Variants in STAG3 observed in about 807,000 individuals in gnomAD.
STAG3 encodes cohesin subunit SA-3.
In STAG3, 101 loss-of-function variants were observed where a neutral mutation model predicts 160.7. The ratio of observed to expected loss-of-function variants is 0.63; its 90% CI spans 0.54 to 0.74. The LOEUF (loss-of-function observed/expected upper bound fraction) is 0.74. Ranked by LOEUF, STAG3 falls within the 30% of genes least tolerant of loss-of-function variation. The pLI, the probability that STAG3 is intolerant of heterozygous loss-of-function variation, is 0.00. For missense variants in STAG3, 1,188 were observed against 1,517.4 expected, an observed-to-expected ratio of 0.78 and a Z score of 3.61; for synonymous variants, 519 against 585.0, an observed-to-expected ratio of 0.89 and a Z score of 1.63.
intron 25 of STAG3, among the ~76,000 whole-genome samples, chr7:100,203,469 C>T (rs1318172145): frequency 1.3e-5 from 2 of 151,112 alleles, no homozygotes; most frequent in African/African-American, 2.4e-5. Flanking sequence ...GCGTGAGCCA[C>T]CATGCCTGGC....
chr7:100,187,392 CTT>C (rs35125400), intron 5 of STAG3, among the ~76,000 whole-genome samples: 45,429 of 145,774 alleles, frequency 0.31, 7,519 homozygotes, highest in East Asian at 0.62. Context: ...TGCTTGATTC[CTT>C]TTTTTTTTTT....
intron 26 of STAG3, among the ~76,000 whole-genome samples, 153 bp from the exon 27 acceptor site, chr7:100,204,474 G>T (rs553022197): frequency 6.6e-6 from 1 of 152,278 alleles, no homozygotes; most frequent in South Asian, 2.1e-4. Flanking sequence ...TGCTGCAGGG[G>T]TATCGGGAGT....
Position 100,214,036 on chromosome 7 carries a change from CAGCTCCACTCCCT to C in STAG3, c.*23_*35del, listed in dbSNP as rs1457105883. On this transcript the variant is annotated 3_prime_UTR_variant, in exon 34 of 34. Coordinates refer to ENST00000615138, the MANE Select transcript of STAG3 (RefSeq NM_001282717.2). ...TCTGACAGGACTCTGGGCCCCTCCC[CAGCTCCACTCCCT>C]ACCTCAAGAATGTGACCATTTGGAA... The C allele has an allele frequency of 6.2e-7, 1 of 1,613,678 alleles. No homozygotes were observed. Among genetic ancestry groups the C allele is most frequent in the Non-Finnish European group, 8.5e-7 (1 of 1,179,766 alleles).
Position 100,201,248 on chromosome 7 carries a change from C to T in STAG3, c.2133-16C>T. On this transcript the variant is annotated splice_polypyrimidine_tract_variant and intron_variant, in intron 20 of 33. Coordinates refer to ENST00000615138, the MANE Select transcript of STAG3 (RefSeq NM_001282717.2). Reference sequence around the variant, plus strand: ...CTGTTCTTTTCCAGTATAACATTCCCCTTTCTCCCCCAAAGCACTCATGAC... The same window carrying T: ...CTGTTCTTTTCCAGTATAACATTCCTCTTTCTCCCCCAAAGCACTCATGAC... 6.2e-7 allele frequency: 1 copy of T among 1,614,064 alleles called. No homozygotes were observed. The highest frequency in any genetic ancestry group is 8.5e-7 in the Non-Finnish European group (1 of 1,179,968).
chr7:100,200,698 T>C (rs968802920), intron 18 of STAG3, 71 bp from the exon 19 acceptor site: 23 of 1,577,660 alleles, frequency 1.5e-5, no homozygotes, highest in Non-Finnish European at 1.8e-5. Flanking sequence ...TTTAACCCCG[T>C]TCCACTTCCC....
intron 3 of STAG3, 30 bp from the exon 4 acceptor site, chr7:100,182,693 T>TC: frequency 4.4e-6 from 7 of 1,607,526 alleles, no homozygotes; most frequent in Non-Finnish European, 5.9e-6. Context: ...TGTTTTTTTT[T>TC]CATATTTCTG....
chr7:100,198,085 A>G lies in STAG3; in HGVS notation c.1165-2A>G. On this transcript the variant is annotated splice_acceptor_variant, in intron 11 of 33. Transcript: ENST00000615138. LOFTEE classifies it high-confidence loss of function. ...TATTGAGTGACTTTCTCCTTTCTGC[A>G]GGACCGGATGGTTTCCATGGTCATG... 1 of 1,613,974 alleles carries G rather than the reference A, an allele frequency of 6.2e-7. No individual in the cohort carries two copies. The highest frequency in any genetic ancestry group is 8.5e-7 in the Non-Finnish European group (1 of 1,179,824).
downstream of STAG3, among the ~76,000 whole-genome samples, chr7:100,216,181 A>G (rs989833877): frequency 6.6e-6 from 1 of 152,194 alleles, no homozygotes; most frequent in Non-Finnish European, 1.5e-5. Flanking sequence ...CGTGGAGCCC[A>G]TGAGCATAGT....
intron 33 of STAG3, 98 bp from the exon 34 acceptor site, chr7:100,213,909 G>C (rs958329509): frequency 1.2e-6 from 2 of 1,613,076 alleles, no homozygotes; most frequent in Non-Finnish European, 8.5e-7. Context: ...TGGCCCTCTG[G>C]GCTGTCTCTG....
chr7:100,215,647 T>C (rs1435515955), downstream of STAG3, among the ~76,000 whole-genome samples: 1 of 152,088 alleles, frequency 6.6e-6, no homozygotes, highest in African/African-American at 2.4e-5. Context: ...TAAGAGCAGC[T>C]TGGGGGCTTT....
At chr7:100,194,984 T>TA (rs1305119929) in intron 8 of STAG3, among the ~76,000 whole-genome samples, 1 of 152,144 alleles carries the variant, frequency 6.6e-6, no homozygotes, top group Non-Finnish European at 1.5e-5. Flanking sequence ...TTAGTTTGTT[T>TA]AAAAAAAATC....
At chr7:100,192,764 T>G (rs1322536649) in intron 8 of STAG3, among the ~76,000 whole-genome samples, 3 of 152,134 alleles carry the variant, frequency 2.0e-5, no homozygotes, top group Non-Finnish European at 4.4e-5. Context: ...AGTTTTTGTT[T>G]TGTTTCTGTA....
chr7:100,200,264 A>T lies in STAG3; in HGVS notation c.1706A>T (p.Gln569Leu). 6.2e-7 allele frequency: 1 copy of T among 1,613,132 alleles called. No homozygotes were observed. Among genetic ancestry groups the T allele is most frequent in the South Asian group, 1.1e-5 (1 of 91,008 alleles). Residue 569 changes from glutamine to leucine, a missense_variant, in exon 17 of 34, where the codon CAA (glutamine) becomes CTA (leucine). Transcript: ENST00000615138. ...TTAACCTCTAAGGAGCGCAAGACCC[A>T]AGCCGATGACAGGGTGAAGTTGACT... ...KGLTSKERKT[Q>L]ADDRVKLTEH...
intron 9 of STAG3, among the ~76,000 whole-genome samples, chr7:100,195,932 C>T (rs936374082): frequency 6.6e-6 from 1 of 152,122 alleles, no homozygotes; most frequent in Non-Finnish European, 1.5e-5. Context: ...GAGTTCACAA[C>T]CAGCCTGACC....
At chr7:100,208,674 A>C (rs1801887836) in intron 29 of STAG3, among the ~76,000 whole-genome samples, 1 of 152,224 alleles carries the variant, frequency 6.6e-6, no homozygotes, top group Admixed American at 6.5e-5. Flanking sequence ...AGGCAAGATA[A>C]AACTGAAGAG....
chr7:100,178,847 G>C (rs1264269599), intron 1 of STAG3, among the ~76,000 whole-genome samples: 3 of 93,274 alleles, frequency 3.2e-5, no homozygotes, highest in African/African-American at 1.2e-4. Context: ...TTTTTTTTTT[G>C]AGACAGAGTC....
At position 100,200,859 on chromosome 7, in the gene STAG3, C is replaced by G; in HGVS notation, c.1951C>G (p.Leu651Val). Residue 651 changes from leucine (L) to valine (V), a missense_variant, in exon 19 of 34, where the codon CTG (leucine) becomes GTG (valine). Physicochemically the swap from Leu to Val is conservative, Grantham distance 32 (BLOSUM62 1). Around this residue, in one of 4 missense-constraint regions of STAG3, gnomAD observed 647 missense variants for 717.2 expected, o/e 0.90. Coordinates refer to ENST00000615138, the MANE Select transcript of STAG3 (RefSeq NM_001282717.2). ...VLEAGAHALY[L>V]LCNPEFTFFS... ...TGAGGCTGGGGCGCATGCCCTCTAC[C>G]TGCTCTGTAATCCCGAATTCACTTT... 1 of 1,614,212 alleles carries G rather than the reference C, an allele frequency of 6.2e-7. No individual in the cohort carries two copies. Among genetic ancestry groups the G allele is most frequent in the South Asian group, 1.1e-5 (1 of 91,082 alleles).
chr7:100,196,184 G>T (rs926410286), intron 9 of STAG3, among the ~76,000 whole-genome samples: 14 of 152,146 alleles, frequency 9.2e-5, no homozygotes, highest in South Asian at 6.2e-4. Flanking sequence ...TCTTACCTAG[G>T]TTTCACTTCT....
intron 2 of STAG3, chr7:100,180,897 T>TG: frequency 8.3e-6 from 3 of 359,864 alleles, no homozygotes; most frequent in East Asian, 1.1e-4. Flanking sequence ...TTTTTTTTTT[T>TG]GAGACGGAGT....
Sources: allele counts gnomAD v4.1 joint callset (sites outside exome capture counted in the v4.1 genomes callset), GRCh38; gene constraint gnomAD v4.1.1; regional missense constraint gnomAD v4.1.1; transcripts MANE v1.5; gene names NCBI Gene and HGNC (gene_info 2026-07-23, HGNC 2026-07-21).